KAT2B: variants seen among roughly 807,000 people sequenced by gnomAD.
The protein encoded by KAT2B is histone acetyltransferase KAT2B.
KAT2B carries 36 observed loss-of-function variants against 105.9 expected under a neutral mutation model. That is an observed-to-expected ratio of 0.34 (90% CI 0.26 to 0.45). The LOEUF (loss-of-function observed/expected upper bound fraction) is 0.45. Among genes scored for constraint, KAT2B ranks in the 20% least tolerant of loss-of-function variants. KAT2B has a pLI of 1.00. For missense variants in KAT2B, 820 were observed against 1,021.6 expected (o/e 0.80, Z 2.69); for synonymous variants, 397 against 377.9 (o/e 1.05, Z -0.59).
chr3:20,143,174 T>C (rs1419659728), intron 13 of KAT2B, among the ~76,000 whole-genome samples: 1 of 152,176 alleles, frequency 6.6e-6, no homozygotes, highest in Non-Finnish European at 1.5e-5. Context: ...AGCTGTGGAC[T>C]TCAGGAGAAG....
chr3:20,112,882 G>A (rs1001701320), intron 6 of KAT2B, among the ~76,000 whole-genome samples: 2 of 152,112 alleles, frequency 1.3e-5, no homozygotes, highest in Admixed American at 6.6e-5. Flanking sequence ...AATAAGTTAG[G>A]TTCAAAACAA....
chr3:20,082,481 A>G (rs769106490), intron 2 of KAT2B, among the ~76,000 whole-genome samples: 7 of 152,102 alleles, frequency 4.6e-5, no homozygotes, highest in Admixed American at 1.3e-4. Context: ...CTTTCCATTA[A>G]GCCTCCACTC....
chr3:20,087,251 A>G (rs1200496784), intron 2 of KAT2B, among the ~76,000 whole-genome samples: 1 of 152,258 alleles, frequency 6.6e-6, no homozygotes, highest in African/African-American at 2.4e-5. Context: ...GATGATGGAT[A>G]TGCTAATTAC....
intron 3 of KAT2B, among the ~76,000 whole-genome samples, chr3:20,098,482 G>T (rs1376285279): frequency 4.6e-5 from 7 of 152,266 alleles, no homozygotes. Context: ...CATGAAGATT[G>T]TCTGTTGAAA....
At chr3:20,120,981 T>C (rs565436729) in intron 8 of KAT2B, among the ~76,000 whole-genome samples, 1 of 152,124 alleles carries the variant, frequency 6.6e-6, no homozygotes, top group South Asian at 2.1e-4. Flanking sequence ...CTCAGACTTT[T>C]TAAAAAAAAT....
At chr3:20,118,164 A>G (rs1279457212) in intron 7 of KAT2B, among the ~76,000 whole-genome samples, 2 of 147,212 alleles carry the variant, frequency 1.4e-5, no homozygotes, top group South Asian at 2.1e-4. Context: ...AAAATTAAAT[A>G]TATATAAAAT....
At position 20,082,330 on chromosome 3, in the gene KAT2B, C is replaced by T. The variant is rs573514595; in HGVS notation, c.430+9871C>T. Among the ~76,000 whole-genome samples the T allele has an allele frequency of 7.2e-5, 11 of 152,228 alleles. No individual in the cohort carries two copies. In the South Asian group the frequency reaches 8.3e-4, roughly 11 times the overall value. ...GATTACAGGCTTGAGCCACTGCACC[C>T]GGCCACGGTTTTCTCTTAATAACCT... is the stretch of plus-strand genomic sequence containing the variant. On this transcript the variant is annotated intron_variant, in intron 2 of 17. Coordinates refer to ENST00000263754, the MANE Select transcript of KAT2B (RefSeq NM_003884.5).
rs568002321 is a variant in KAT2B at position 20,129,424 on chromosome 3, G to GAGTGC, written c.1749+1880_1749+1884dup. 1.5e-4 allele frequency among the ~76,000 whole-genome samples: 23 copies of GAGTGC among 150,316 alleles called. No individual in the cohort carries two copies. In the South Asian group the frequency reaches 4.8e-3, roughly 32 times the overall value. ...GGTTCACACTCTGTTGCCCAGGCTG[G>GAGTGC]AGTGCAGTGGTGTGATCTTGGCTCA... On this transcript the variant is annotated intron_variant, in intron 11 of 17. Coordinates refer to ENST00000263754, the MANE Select transcript of KAT2B (RefSeq NM_003884.5).
chr3:20,070,257 C>T (rs1232104813), intron 1 of KAT2B, among the ~76,000 whole-genome samples: 2 of 152,054 alleles, frequency 1.3e-5, no homozygotes, highest in African/African-American at 2.4e-5. Flanking sequence ...TTTTCTTCTA[C>T]CATGACCCTT....
intron 1 of KAT2B, among the ~76,000 whole-genome samples, chr3:20,059,785 T>C (rs1472858602): frequency 6.6e-6 from 1 of 152,206 alleles, no homozygotes; most frequent in East Asian, 1.9e-4. Flanking sequence ...AGTGTACAAT[T>C]CAATGATTTT....
chr3:20,106,610 G>A (rs568329152), intron 5 of KAT2B, among the ~76,000 whole-genome samples: 2 of 152,000 alleles, frequency 1.3e-5, no homozygotes, highest in Non-Finnish European at 2.9e-5. Flanking sequence ...ATGACTTTGA[G>A]GAAATGAATG....
chr3:20,152,251 A>G (rs934416052), intron 17 of KAT2B, 81 bp from the exon 18 acceptor site: 1 of 896,650 alleles, frequency 1.1e-6, no homozygotes, highest in Non-Finnish European at 1.7e-6. Context: ...CCAACAACAT[A>G]GATTCCTTTC....
chr3:20,068,393 G>A (rs1353885786), intron 1 of KAT2B, among the ~76,000 whole-genome samples: 1 of 149,884 alleles, frequency 6.7e-6, no homozygotes, highest in Non-Finnish European at 1.5e-5. Context: ...TTGCCTTTGC[G>A]CTAGCTGTGT....
chr3:20,131,722 C>T (rs1215577926), intron 11 of KAT2B, among the ~76,000 whole-genome samples: 2 of 152,044 alleles, frequency 1.3e-5, no homozygotes, highest in Non-Finnish European at 2.9e-5. Flanking sequence ...TGTGCACCAC[C>T]ATGCCTGGCT....
At position 20,040,936 on chromosome 3, in the gene KAT2B, C is replaced by T. The variant is rs562637668; in HGVS notation, c.303+156C>T. ...GCGGAAGTGCTCTTGTCGCCCGCGC[C>T]CAATTAGCTTCTTCTTGGATAAGAG... On this transcript the variant is annotated intron_variant, in intron 1 of 17. Coordinates refer to ENST00000263754, the MANE Select transcript of KAT2B (RefSeq NM_003884.5). 1.3e-4 allele frequency among the ~76,000 whole-genome samples: 20 copies of T among 152,278 alleles called. No homozygotes were observed. The South Asian group carries it at 3.1e-3, about 24-fold the overall frequency.
chr3:20,070,312 T>TC (rs201070925), intron 1 of KAT2B, among the ~76,000 whole-genome samples: 3,041 of 125,400 alleles, frequency 0.024, 72 homozygotes, highest in Admixed American at 0.085. Context: ...TTTCTTTCTT[T>TC]TTTTTTTTTT....
intron 17 of KAT2B, chr3:20,148,726 GA>G (rs1559334325): frequency 2.5e-6 from 1 of 402,632 alleles, no homozygotes; most frequent in Non-Finnish European, 4.4e-6. Context: ...ACTAGACGCA[GA>G]AAATCCACGG....
At chr3:20,121,738 G>GTGTGTT (rs1699313899) in intron 8 of KAT2B, among the ~76,000 whole-genome samples, 1 of 44,950 alleles carries the variant, frequency 2.2e-5, no homozygotes, top group African/African-American at 1.1e-4. Context: ...GCATATGTGT[G>GTGTGTT]TGTGTGTGTG....
intron 2 of KAT2B, among the ~76,000 whole-genome samples, chr3:20,079,729 G>C (rs1698486721): frequency 6.6e-6 from 1 of 152,080 alleles, no homozygotes. Flanking sequence ...ATTTATACAT[G>C]TACTGTGCAG....
Sources: gnomAD v4.1 joint callset for allele counts (sites outside exome capture counted in the v4.1 genomes callset) on GRCh38, gnomAD v4.1.1 for gene constraint, MANE v1.5 for transcripts, NCBI Gene and HGNC (gene_info 2026-07-23, HGNC 2026-07-21) for gene names.